Variants in PAIP2 observed in about 807,000 individuals in gnomAD.
PAIP2 encodes poly(A) binding protein interacting protein 2, also known as polyadenylate-binding protein-interacting protein 2.
Under a neutral mutation model 14.8 loss-of-function variants are expected in PAIP2, and 7 were observed. The observed-to-expected ratio is 0.47, with a 90% confidence interval of 0.27 to 0.89. The LOEUF (loss-of-function observed/expected upper bound fraction) is 0.89. Ranked by LOEUF, PAIP2 falls within the 40% of genes least tolerant of loss-of-function variation. The probability of loss-of-function intolerance (pLI) is 0.13; values close to 1 mark genes in which losing one functional copy is unlikely to be tolerated. For missense variants in PAIP2, 122 were observed against 154.7 expected (o/e 0.79, Z 1.12); for synonymous variants, 47 against 45.3 (o/e 1.04, Z -0.15).
In PAIP2 at chr5:139,348,906, C is replaced by T. The variant is rs574971713; in HGVS notation, c.-27+6926C>T. ...GGCCAGGCTAGTCTTGAACTCCTGACCTCAGGTGATCTGCCTGCCTCAGCC... is the reference window on the plus strand; with the variant it reads ...GGCCAGGCTAGTCTTGAACTCCTGATCTCAGGTGATCTGCCTGCCTCAGCC... On this transcript the variant is annotated intron_variant, in intron 1 of 3. Coordinates refer to ENST00000265192, the MANE Select transcript of PAIP2 (RefSeq NM_016480.5). Among the ~76,000 whole-genome samples the T allele has an allele frequency of 2.4e-3, 358 of 149,064 alleles. 2 individuals are homozygous for T. The highest frequency in any genetic ancestry group is 4.1e-3 in the Non-Finnish European group (278 of 67,344).
intron 3 of PAIP2, among the ~76,000 whole-genome samples, chr5:139,366,722 A>G (rs1188516141): frequency 6.6e-6 from 1 of 152,164 alleles, no homozygotes; most frequent in South Asian, 2.1e-4. Context: ...TCTATTTGAT[A>G]TTACTTTGTT....
intron 1 of PAIP2, among the ~76,000 whole-genome samples, chr5:139,348,145 C>CAAA (rs56677878): frequency 1.4e-5 from 1 of 69,656 alleles, no homozygotes; most frequent in East Asian, 5.0e-4. Context: ...GACTCCATGT[C>CAAA]AAAAAAAAAA....
At position 139,366,265 on chromosome 5, in the gene PAIP2, G is replaced by C. The variant is rs1012006860; in HGVS notation, c.318+1522G>C. On this transcript the variant is annotated intron_variant, in intron 3 of 3. Transcript: ENST00000265192. ...TTGTGATAACTAAACATCAGCACTA[G>C]AGTGAGAACTGGCTGGGTCCACTGA... Among the ~76,000 whole-genome samples the C allele has an allele frequency of 2.1e-4, 31 of 149,168 alleles. 1 individual carries two copies. Among genetic ancestry groups the C allele is most frequent in the African/African-American group, 7.7e-4 (31 of 40,346 alleles).
At chr5:139,348,448 G>A (rs1275538322) in intron 1 of PAIP2, among the ~76,000 whole-genome samples, 12 of 151,258 alleles carry the variant, frequency 7.9e-5, no homozygotes, top group African/African-American at 2.9e-4. Context: ...TCTGCCTCCC[G>A]GGTTCACGCC....
chr5:139,350,675 G>C (rs1448252578), intron 1 of PAIP2, among the ~76,000 whole-genome samples: 1 of 151,388 alleles, frequency 6.6e-6, no homozygotes, highest in Non-Finnish European at 1.5e-5. Flanking sequence ...AATAGTTGAG[G>C]TTGAAAGATC....
intron 3 of PAIP2, 146 bp from the exon 4 acceptor site, chr5:139,368,587 C>A: frequency 1.6e-6 from 1 of 606,866 alleles, no homozygotes; most frequent in Non-Finnish European, 3.0e-6. Flanking sequence ...ACATCTGGTT[C>A]TTCCTTTTTG....
intron 1 of PAIP2, among the ~76,000 whole-genome samples, chr5:139,348,356 T>A (rs1362854478): frequency 7.4e-6 from 1 of 135,856 alleles, no homozygotes; most frequent in Admixed American, 7.3e-5. Context: ...GCCTGGCTAA[T>A]TTTTTTTTTT....
intron 1 of PAIP2, chr5:139,342,401 G>A (rs1424063975): frequency 6.6e-6 from 1 of 151,990 alleles, no homozygotes; most frequent in Non-Finnish European, 1.5e-5. Flanking sequence ...GCGTCGCCAC[G>A]CGCAGCCCCT....
chr5:139,347,661 G>A (rs1756593910), intron 1 of PAIP2, among the ~76,000 whole-genome samples: 1 of 152,056 alleles, frequency 6.6e-6, no homozygotes, highest in Non-Finnish European at 1.5e-5. Flanking sequence ...GTTAATGGGT[G>A]CAGCACACCA....
At position 139,369,691 on chromosome 5, in the gene PAIP2, T is replaced by A. The variant is rs1228276451; in HGVS notation, c.*893T>A. 2 of 152,582 alleles carry A rather than the reference T, an allele frequency of 1.3e-5. No homozygotes were observed. The highest frequency in any genetic ancestry group is 2.4e-5 in the African/African-American group (1 of 41,426). The allele number at this position is 152,582 out of a possible 1,614,324, so 9.5% of individuals were successfully genotyped here. A position where few individuals can be genotyped will look rare whatever the true frequency, so the allele number is the denominator to read the frequency against. On this transcript the variant is annotated 3_prime_UTR_variant, in exon 4 of 4. Coordinates refer to ENST00000265192, the MANE Select transcript of PAIP2 (RefSeq NM_016480.5). ...AAAATTATATTTTTTCAAAAATATT[T>A]AAAAAAATAAATAATAGTAGAACTG...
At chr5:139,361,306 T>C (rs947539157) in intron 1 of PAIP2, among the ~76,000 whole-genome samples, 6 of 152,108 alleles carry the variant, frequency 3.9e-5, no homozygotes, top group Admixed American at 3.3e-4. Flanking sequence ...ATAGGGTTCA[T>C]CTTTTCCCTG....
In PAIP2 at chr5:139,364,600, C is replaced by G. The variant is rs779602855; in HGVS notation, c.175C>G (p.Arg59Gly). ...EELWEEEFIE[R>G]CFQEMLEEEE... is the part of the protein sequence containing the mutation. ...GTTATGGGAAGAAGAATTTATTGAA[C>G]GCTGTTTCCAAGAAATGCTGGAAGA... The change falls in exon 3 of 4, where the codon CGC becomes GGC. Residue 59 changes from arginine (R) to glycine (G), a missense_variant. By Grantham distance (125) the Arg-to-Gly change is moderately radical. Coordinates refer to ENST00000265192, the MANE Select transcript of PAIP2 (RefSeq NM_016480.5). 2 of 1,607,708 alleles carry G rather than the reference C, an allele frequency of 1.2e-6. No individual in the cohort carries two copies. The highest frequency in any genetic ancestry group is 1.7e-6 in the Non-Finnish European group (2 of 1,174,554).
intron 1 of PAIP2, among the ~76,000 whole-genome samples, chr5:139,362,694 G>A (rs1481184410): frequency 6.6e-6 from 1 of 151,890 alleles, no homozygotes; most frequent in African/African-American, 2.4e-5. Context: ...ACAGGCATGA[G>A]CCACCGCGCC....
At chr5:139,365,283 C>T in intron 3 of PAIP2, among the ~76,000 whole-genome samples, 1 of 151,890 alleles carries the variant, frequency 6.6e-6, no homozygotes, top group Non-Finnish European at 1.5e-5. Context: ...GTCAGGAGTT[C>T]AAGACCAGCC....
At chr5:139,354,687 TTTC>T (rs1031250175) in intron 1 of PAIP2, among the ~76,000 whole-genome samples, 1 of 152,218 alleles carries the variant, frequency 6.6e-6, no homozygotes, top group Admixed American at 6.6e-5. Flanking sequence ...TCTGTTCATT[TTTC>T]TTCATTTCCT....
intron 1 of PAIP2, among the ~76,000 whole-genome samples, chr5:139,348,169 G>A (rs1410544704): frequency 2.0e-5 from 3 of 149,636 alleles, no homozygotes; most frequent in East Asian, 1.9e-4. Flanking sequence ...AAAAAACTAC[G>A]AGTGATGAAT....
rs60145040 is a variant in PAIP2, at chr5:139,361,023, C to T, written c.-26-2736C>T. On this transcript the variant is annotated intron_variant, in intron 1 of 3. Coordinates refer to ENST00000265192, the MANE Select transcript of PAIP2 (RefSeq NM_016480.5). ...CTCGAACTCCTGGGCTCAAGCAGTC[C>T]GCCTGCTTTGTCCTCCCAAAATGCT... Among the ~76,000 whole-genome samples, 1,192 of 152,208 alleles carry T rather than the reference C, an allele frequency of 7.8e-3. 18 individuals are homozygous for T. Among genetic ancestry groups the T allele is most frequent in the African/African-American group, 0.025 (1,040 of 41,496 alleles).
chr5:139,351,327 A>AT (rs1491193224), intron 1 of PAIP2, among the ~76,000 whole-genome samples: 5 of 152,060 alleles, frequency 3.3e-5, no homozygotes, highest in Non-Finnish European at 7.4e-5. Flanking sequence ...AAAAAAAAAA[A>AT]GAGTGATCAT....
At position 139,363,684 on chromosome 5, in the gene PAIP2, C is replaced by T. The variant is rs536996694; in HGVS notation, c.-26-75C>T. On this transcript the variant is annotated intron_variant, in intron 1 of 3. Transcript: ENST00000265192. ...CACCATTGCACTCCAGCCTGGATGA[C>T]GGAGTGAAACCTTGTCTCAGAAAGA... 2.7e-5 allele frequency: 35 copies of T among 1,292,342 alleles called. No homozygotes were observed. The Admixed American group carries it at 3.7e-4, about 14-fold the overall frequency. The allele number at this position is 1,292,342 out of a possible 1,614,324, so 80.1% of individuals were successfully genotyped here. A position where few individuals can be genotyped will look rare whatever the true frequency, so the allele number is the denominator to read the frequency against.
Sources: allele counts gnomAD v4.1 joint callset (sites outside exome capture counted in the v4.1 genomes callset), GRCh38; gene constraint gnomAD v4.1.1; transcripts MANE v1.5; gene names NCBI Gene and HGNC (gene_info 2026-07-23, HGNC 2026-07-21).